FAT3: variants seen among roughly 807,000 people sequenced by gnomAD.
FAT3 encodes protocadherin Fat 3.
FAT3 carries 95 observed loss-of-function variants against 310.2 expected under a neutral mutation model. That is an observed-to-expected ratio of 0.31 (90% CI 0.26 to 0.36). FAT3 has a LOEUF of 0.36. Among genes scored for constraint, FAT3 ranks in the 10% least tolerant of loss-of-function variants. The probability of loss-of-function intolerance (pLI) is 1.00; values close to 1 mark genes in which losing one functional copy is unlikely to be tolerated. For synonymous variants in FAT3, 2,314 were observed against 2,192.9 expected, an observed-to-expected ratio of 1.06 and a Z score of -1.54; for missense variants, 5,408 against 5,715.6, an observed-to-expected ratio of 0.95 and a Z score of 1.74.
At chr11:92,878,507 CA>C (rs927344921) in intron 22 of FAT3, among the ~76,000 whole-genome samples, 1 of 150,478 alleles carries the variant, frequency 6.6e-6, no homozygotes, top group Non-Finnish European at 1.5e-5. Flanking sequence ...GAGACCAAAA[CA>C]AAGAAACAGA....
intron 22 of FAT3, among the ~76,000 whole-genome samples, chr11:92,871,199 GT>G (rs1282260410): frequency 6.6e-6 from 1 of 152,160 alleles, no homozygotes; most frequent in Non-Finnish European, 1.5e-5. Flanking sequence ...AGTGGTATTG[GT>G]TTATATTTTT....
At chr11:92,434,726 G>A (rs1591286516) in intron 2 of FAT3, among the ~76,000 whole-genome samples, 1 of 152,186 alleles carries the variant, frequency 6.6e-6, no homozygotes, top group African/African-American at 2.4e-5. Flanking sequence ...CTGCTTCACA[G>A]AGTTGTTTGA....
intron 3 of FAT3, among the ~76,000 whole-genome samples, chr11:92,558,477 A>T (rs1314404944): frequency 6.6e-6 from 1 of 151,376 alleles, no homozygotes; most frequent in Non-Finnish European, 1.5e-5. Context: ...TAGTATTGTG[A>T]TGGTTATTTC....
rs2136198510 is a variant in FAT3, at chr11:92,805,155, G to A, written c.8899G>A (p.Gly2967Arg). ...CTCTTTTGTTTTTTTAACTGCAGGA[G>A]GAAACCCTCGAGGAAGGTTTGCTCT... ...NRQVSYHITGGNPRGRFALGL... is the reference protein window; with the variant it reads ...NRQVSYHITGRNPRGRFALGL... The change falls in exon 11 of 28, where the codon GGA becomes AGA. Residue 2967 changes from glycine to arginine, a missense_variant and splice_region_variant. Coordinates refer to ENST00000525166, the MANE Select transcript of FAT3 (RefSeq NM_001367949.2). 1 of 1,607,774 alleles carries A rather than the reference G, an allele frequency of 6.2e-7. No homozygotes were observed. Among genetic ancestry groups the A allele is most frequent in the South Asian group, 1.1e-5 (1 of 90,558 alleles).
intron 1 of FAT3, among the ~76,000 whole-genome samples, chr11:92,346,653 C>T (rs1160220528): frequency 2.6e-5 from 4 of 152,050 alleles, no homozygotes; most frequent in Non-Finnish European, 5.9e-5. Context: ...TATGTTAAGC[C>T]TTTTACCTGA....
intron 4 of FAT3, among the ~76,000 whole-genome samples, chr11:92,706,976 T>A (rs1591632617): frequency 6.6e-6 from 1 of 152,200 alleles, no homozygotes; most frequent in African/African-American, 2.4e-5. Context: ...TGTGTGAGCA[T>A]GTCATCTGGC....
chr11:92,245,142 A>G (rs1178981491), intron 1 of FAT3, among the ~76,000 whole-genome samples: 1 of 152,172 alleles, frequency 6.6e-6, no homozygotes, highest in African/African-American at 2.4e-5. Flanking sequence ...CATATACACC[A>G]TGGAATACTA....
chr11:92,440,515 G>C (rs1319030653), intron 2 of FAT3, among the ~76,000 whole-genome samples: 1 of 152,192 alleles, frequency 6.6e-6, no homozygotes. Context: ...TCTGTGGCTA[G>C]AATTGCAAGC....
chr11:92,640,567 G>A (rs1449973400), intron 3 of FAT3, among the ~76,000 whole-genome samples: 1 of 152,090 alleles, frequency 6.6e-6, no homozygotes, highest in Non-Finnish European at 1.5e-5. Flanking sequence ...TAAAAGTAAG[G>A]ACACAGAGTC....
chr11:92,782,514 G>T (rs527243924), intron 7 of FAT3, among the ~76,000 whole-genome samples: 2 of 152,224 alleles, frequency 1.3e-5, no homozygotes, highest in Admixed American at 1.3e-4. Flanking sequence ...CGAGGCTGCA[G>T]TGAGCCATGA....
At chr11:92,468,787 A>G (rs1167760367) in intron 2 of FAT3, among the ~76,000 whole-genome samples, 25 of 152,144 alleles carry the variant, frequency 1.6e-4, no homozygotes, top group Admixed American at 1.6e-3. Flanking sequence ...TTGAGAACTC[A>G]CTCACTATCA....
chr11:92,805,020 G>A, intron 10 of FAT3, 133 bp from the exon 11 acceptor site: 1 of 785,108 alleles, frequency 1.3e-6, no homozygotes, highest in Non-Finnish European at 1.9e-6. Context: ...GGGAGTCTCA[G>A]TATCTTTGTA....
At chr11:92,733,845 A>T (rs1792375) in intron 4 of FAT3, among the ~76,000 whole-genome samples, 1 of 152,022 alleles carries the variant, frequency 6.6e-6, no homozygotes. Context: ...ATGATTGTTT[A>T]GGGGTATATA....
intron 2 of FAT3, among the ~76,000 whole-genome samples, chr11:92,520,902 C>A (rs1277222837): frequency 6.6e-6 from 1 of 152,000 alleles, no homozygotes; most frequent in Non-Finnish European, 1.5e-5. Flanking sequence ...GGAGAGAATT[C>A]TAATTTTTAA....
chr11:92,226,762 A>G (rs1454642914), intron 1 of FAT3, among the ~76,000 whole-genome samples: 1 of 151,872 alleles, frequency 6.6e-6, no homozygotes, highest in Non-Finnish European at 1.5e-5. Flanking sequence ...CTCGGCCGGG[A>G]GCTCCAGCTC....
chr11:92,720,990 A>C (rs1026975163), intron 4 of FAT3, among the ~76,000 whole-genome samples: 1 of 152,196 alleles, frequency 6.6e-6, no homozygotes, highest in Non-Finnish European at 1.5e-5. Context: ...AGGATGTTAC[A>C]TAGGTAAACA....
chr11:92,241,311 GCTT>G (rs1864662631), intron 1 of FAT3, among the ~76,000 whole-genome samples: 1 of 151,986 alleles, frequency 6.6e-6, no homozygotes, highest in Non-Finnish European at 1.5e-5. Context: ...ACTCTCTTTT[GCTT>G]CTTAGCATTG....
intron 1 of FAT3, among the ~76,000 whole-genome samples, chr11:92,233,727 T>C (rs988346902): frequency 1.3e-5 from 2 of 152,190 alleles, no homozygotes; most frequent in Non-Finnish European, 2.9e-5. Context: ...AATTGAACAA[T>C]TGAATGGGAA....
intron 3 of FAT3, among the ~76,000 whole-genome samples, chr11:92,557,326 T>C (rs1037938383): frequency 1.3e-5 from 2 of 152,090 alleles, no homozygotes; most frequent in Non-Finnish European, 2.9e-5. Context: ...AGGATTCCCC[T>C]GCACCTGTGA....
Sources: gnomAD v4.1 joint callset for allele counts (sites outside exome capture counted in the v4.1 genomes callset) on GRCh38, gnomAD v4.1.1 for gene constraint, MANE v1.5 for transcripts, NCBI Gene and HGNC (gene_info 2026-07-23, HGNC 2026-07-21) for gene names.